Variants in CA10 observed in about 807,000 individuals in gnomAD.
CA10 encodes carbonic anhydrase 10 (inactive), also known as carbonic anhydrase-related protein 10.
Under a neutral mutation model 44.2 loss-of-function variants are expected in CA10, and 14 were observed. The ratio of observed to expected loss-of-function variants is 0.32; its 90% CI spans 0.21 to 0.50. The LOEUF is 0.50. Ranked by LOEUF, CA10 falls within the 20% of genes least tolerant of loss-of-function variation. The probability of loss-of-function intolerance (pLI) is 0.99; values close to 1 mark genes in which losing one functional copy is unlikely to be tolerated. For missense variants in CA10, 350 were observed against 409.7 expected, an observed-to-expected ratio of 0.85 and a Z score of 1.26; for synonymous variants, 159 against 141.6, an observed-to-expected ratio of 1.12 and a Z score of -0.87.
intron 6 of CA10, among the ~76,000 whole-genome samples, chr17:51,648,834 G>C (rs1913442138): frequency 6.6e-6 from 1 of 152,124 alleles, no homozygotes; most frequent in African/African-American, 2.4e-5. Flanking sequence ...CCTGATGAGG[G>C]CTTTCTCAAT....
rs573166137 is a variant in CA10 at position 51,963,474 on chromosome 17, T to C, written c.137-32342A>G. ...ACCAAAGCAGTTACCCACCAGACTG[T>C]CCAAGATCAACACTAAGAAAAAAAT... is the stretch of plus-strand genomic sequence containing the variant. On this transcript the variant is annotated intron_variant, in intron 2 of 8. Transcript: ENST00000451037. 3.3e-5 allele frequency among the ~76,000 whole-genome samples: 5 copies of C among 151,108 alleles called. No homozygotes were observed. In the East Asian group the frequency reaches 9.9e-4, roughly 30 times the overall value.
At chr17:52,097,655 C>T (rs908423089) in intron 1 of CA10, among the ~76,000 whole-genome samples, 2 of 152,166 alleles carry the variant, frequency 1.3e-5, no homozygotes, top group African/African-American at 4.8e-5. Context: ...CATTCATTCA[C>T]ATACTTACTC....
chr17:51,774,628 G>C (rs1446253176), intron 3 of CA10, among the ~76,000 whole-genome samples: 3 of 151,880 alleles, frequency 2.0e-5, no homozygotes, highest in African/African-American at 7.3e-5. Context: ...ATTTTTAGTA[G>C]AGACGGGGTT....
Position 52,094,318 on chromosome 17 carries a change from C to CAAA in CA10, c.62-21928_62-21926dup, listed in dbSNP as rs57349663. The stretch of plus-strand genomic sequence containing the variant: ...AAAAAACCTAAATAAATGTATAAAG[C>CAAA]AAAAAAAAAAAAGATTATGTCCTTA... On this transcript the variant is annotated intron_variant, in intron 1 of 8. Transcript: ENST00000451037. 2.7e-3 allele frequency among the ~76,000 whole-genome samples: 388 copies of CAAA among 144,488 alleles called. 3 individuals carry two copies. The highest frequency in any genetic ancestry group is 9.3e-3 in the African/African-American group (370 of 39,744). 94.8% of individuals were successfully genotyped at this position (144,488 alleles called of 152,430 possible).
chr17:51,988,142 T>C (rs755256440), intron 2 of CA10, among the ~76,000 whole-genome samples: 2 of 152,072 alleles, frequency 1.3e-5, no homozygotes, highest in Non-Finnish European at 1.5e-5. Context: ...TGTATAGTTG[T>C]ATTTGAAATT....
At chr17:51,684,573 C>T (rs9303592) in intron 4 of CA10, among the ~76,000 whole-genome samples, 4,439 of 152,240 alleles carry the variant, frequency 0.029, 248 homozygotes, top group African/African-American at 0.1. Context: ...TAGCTTACAT[C>T]GCTGACACAT....
intron 1 of CA10, among the ~76,000 whole-genome samples, chr17:52,123,561 A>G (rs1989058326): frequency 6.6e-6 from 1 of 152,210 alleles, no homozygotes; most frequent in East Asian, 1.9e-4. Context: ...TTTCTGAGCA[A>G]GTATGAATGA....
At chr17:51,956,520 C>T (rs1159256522) in intron 2 of CA10, among the ~76,000 whole-genome samples, 1 of 152,084 alleles carries the variant, frequency 6.6e-6, no homozygotes, top group Admixed American at 6.6e-5. Flanking sequence ...TAATTGTCTT[C>T]AACAGATAGA....
chr17:51,662,811 TCTGG>T (rs952496887), intron 4 of CA10, among the ~76,000 whole-genome samples: 14 of 152,310 alleles, frequency 9.2e-5, no homozygotes, highest in African/African-American at 3.4e-4. Context: ...CCAAATGTGG[TCTGG>T]CTATCATACC....
At chr17:51,721,748 T>A (rs747023201) in intron 4 of CA10, among the ~76,000 whole-genome samples, 25 of 152,242 alleles carry the variant, frequency 1.6e-4, no homozygotes, top group East Asian at 1.2e-3. Flanking sequence ...AGCTTCCCGA[T>A]TGGTGAACAT....
At chr17:51,832,069 G>T (rs1231215851) in intron 3 of CA10, among the ~76,000 whole-genome samples, 3 of 152,072 alleles carry the variant, frequency 2.0e-5, no homozygotes, top group Non-Finnish European at 4.4e-5. Context: ...GGTGCTTCAG[G>T]GCCTTCAGTT....
intron 3 of CA10, among the ~76,000 whole-genome samples, chr17:51,907,187 G>T (rs1981592608): frequency 6.6e-6 from 1 of 152,042 alleles, no homozygotes. Flanking sequence ...TCTGTTCATA[G>T]TGACCTTCTT....
At chr17:52,014,338 A>G (rs1558345) in intron 2 of CA10, among the ~76,000 whole-genome samples, 145,235 of 151,960 alleles carry the variant, frequency 0.96, 69,760 homozygotes, top group East Asian at 1. Flanking sequence ...CATTATGTGC[A>G]AAGTTGGAAT....
At chr17:51,919,644 CTTTG>C (rs1982147373) in intron 3 of CA10, among the ~76,000 whole-genome samples, 4 of 151,866 alleles carry the variant, frequency 2.6e-5, no homozygotes, top group Non-Finnish European at 2.9e-5. Flanking sequence ...TAGTTGTTCT[CTTTG>C]TTTGATTGTT....
intron 2 of CA10, among the ~76,000 whole-genome samples, chr17:51,985,061 A>G (rs1325873408): frequency 6.6e-6 from 1 of 151,952 alleles, no homozygotes; most frequent in Non-Finnish European, 1.5e-5. Flanking sequence ...GGACATAACC[A>G]AAAAAGAAAA....
intron 3 of CA10, among the ~76,000 whole-genome samples, chr17:51,896,385 T>G (rs34692338): frequency 6.6e-6 from 1 of 151,982 alleles, no homozygotes; most frequent in Non-Finnish European, 1.5e-5. Flanking sequence ...GGATAATGAG[T>G]TCAGCTCTAT....
chr17:51,703,500 C>T (rs1915665989), intron 4 of CA10, among the ~76,000 whole-genome samples: 1 of 151,980 alleles, frequency 6.6e-6, no homozygotes, highest in South Asian at 2.1e-4. Flanking sequence ...CTTATTCTCT[C>T]CCCACCCCAC....
intron 3 of CA10, among the ~76,000 whole-genome samples, chr17:51,819,347 G>A (rs1907678675): frequency 6.6e-6 from 1 of 152,088 alleles, no homozygotes; most frequent in African/African-American, 2.4e-5. Context: ...CTCCTTCCTG[G>A]CCACAGAGCT....
intron 1 of CA10, among the ~76,000 whole-genome samples, chr17:52,094,504 A>G (rs181750453): frequency 3.1e-4 from 47 of 152,272 alleles, no homozygotes; most frequent in African/African-American, 9.9e-4. Context: ...AGATATCACA[A>G]AAGAGTGAAA....
Sources: gnomAD v4.1 joint callset for allele counts (sites outside exome capture counted in the v4.1 genomes callset) on GRCh38, gnomAD v4.1.1 for gene constraint, MANE v1.5 for transcripts, NCBI Gene and HGNC (gene_info 2026-07-23, HGNC 2026-07-21) for gene names.